The following MZT2A variants were observed in gnomAD, a reference collection of about 807,000 sequenced individuals.
The protein encoded by MZT2A is mitotic spindle organizing protein 2A.
Under a neutral mutation model 12.4 loss-of-function variants are expected in MZT2A, and 8 were observed. The observed-to-expected ratio is 0.64, with a 90% CI of 0.38 to 1.16. The LOEUF is 1.16. Among genes scored for constraint, MZT2A ranks in the 50% most tolerant of loss-of-function variants. The pLI is 0.01. For missense variants in MZT2A, 181 were observed against 223.6 expected, an observed-to-expected ratio of 0.81 and a Z score of 1.22; for synonymous variants, 88 against 107.5, an observed-to-expected ratio of 0.82 and a Z score of 1.12.
chr2:131,487,250 T>C (rs1383819844), intron 2 of MZT2A, among the ~76,000 whole-genome samples: 3 of 151,928 alleles, frequency 2.0e-5, no homozygotes, highest in East Asian at 1.9e-4. Flanking sequence ...GAGGCCAAGG[T>C]GGGAGGATCC....
At chr2:131,493,350 C>G (rs572842070), upstream of MZT2A, among the ~76,000 whole-genome samples, 508 of 152,318 alleles carry the variant, frequency 3.3e-3, 1 homozygote, top group Non-Finnish European at 5.7e-3. Flanking sequence ...CTTCCCGCGC[C>G]GCTCGTACAC....
upstream of MZT2A, chr2:131,493,076 G>A: frequency 5.3e-6 from 8 of 1,495,786 alleles, no homozygotes; most frequent in Non-Finnish European, 7.2e-6. Flanking sequence ...TGATGACGAC[G>A]TTTTGGCGCG....
intron 2 of MZT2A, chr2:131,490,829 G>T: frequency 9.0e-6 from 14 of 1,549,996 alleles, no homozygotes; most frequent in South Asian, 1.2e-5. Context: ...CGCAGGCTGC[G>T]GGCTGGAGGA....
At chr2:131,476,140 CA>C in intron 2 of MZT2A, 1 of 1,612,818 alleles carries the variant, frequency 6.2e-7, no homozygotes, top group Non-Finnish European at 8.5e-7. Context: ...GGGCGCTCAG[CA>C]GCTGTGGCAG....
chr2:131,487,100 G>C (rs1679080539), intron 2 of MZT2A, among the ~76,000 whole-genome samples: 1 of 152,164 alleles, frequency 6.6e-6, no homozygotes, highest in Non-Finnish European at 1.5e-5. Flanking sequence ...TGGGGTGTGA[G>C]GGCAGGGTGA....
downstream of MZT2A, chr2:131,482,667 T>C: frequency 6.2e-7 from 1 of 1,614,212 alleles, no homozygotes; most frequent in South Asian, 1.1e-5. Context: ...TGGGCCCGCC[T>C]GGACCATAAG....
chr2:131,470,093 C>T lies in MZT2A; in HGVS notation c.*110+113G>A, dbSNP rs138568781. On this transcript the variant is annotated intron_variant and NMD_transcript_variant, in intron 4 of 4. Transcript: ENST00000427024. The stretch of plus-strand genomic sequence containing the variant: ...TGCTGGGATTACAGGCGTGAGCCAC[C>T]GCATCTGGCTAAACAGCATCCTCTT... 1,631 of 423,326 alleles carry T rather than the reference C, an allele frequency of 3.9e-3. 18 individuals are homozygous for T. Among genetic ancestry groups the T allele is most frequent in the African/African-American group, 0.031 (1,472 of 46,732 alleles). The allele number at this position is 423,326 out of a possible 1,614,324, so 26.2% of individuals were successfully genotyped here.
downstream of MZT2A, among the ~76,000 whole-genome samples, chr2:131,479,783 T>C (rs147561788): frequency 5.8e-3 from 882 of 152,160 alleles, 6 homozygotes; most frequent in African/African-American, 0.02. Flanking sequence ...GAGGTTGCAA[T>C]GAGCTGAGAT....
chr2:131,486,869 T>G (rs116013437), intron 2 of MZT2A, among the ~76,000 whole-genome samples: 1,674 of 152,204 alleles, frequency 0.011, 32 homozygotes, highest in African/African-American at 0.038. Flanking sequence ...ATAACTGATA[T>G]TAAGAAAATC....
At chr2:131,479,475 A>G, downstream of MZT2A, 1 of 1,609,726 alleles carries the variant, frequency 6.2e-7, no homozygotes, top group Non-Finnish European at 8.5e-7. Context: ...AGAAGGTTTC[A>G]TGTGGCCATT....
At chr2:131,483,955 G>A (rs1678947687), downstream of MZT2A, 80 of 1,461,592 alleles carry the variant, frequency 5.5e-5, no homozygotes, top group Non-Finnish European at 7.2e-5. Context: ...ACAGTAGAGA[G>A]CATCTGACCT....
At chr2:131,480,410 A>G (rs6423208), downstream of MZT2A, 298,969 of 1,312,062 alleles carry the variant, frequency 0.23, 90,062 homozygotes, top group East Asian at 0.78. Context: ...CCTCCATCAC[A>G]GCCTCCCTGC....
intron 2 of MZT2A, chr2:131,491,359 G>A: frequency 3.6e-6 from 1 of 275,322 alleles, no homozygotes; most frequent in South Asian, 4.1e-5. Context: ...GGTAAAGGCA[G>A]GAAGACGTCT....
chr2:131,480,355 G>A (rs368000732), downstream of MZT2A: 18 of 1,610,082 alleles, frequency 1.1e-5, no homozygotes, highest in Non-Finnish European at 1.4e-5. Flanking sequence ...GACATTGAAC[G>A]TCCCACGTAC....
chr2:131,473,689 C>T (rs1678543814), intron 2 of MZT2A, among the ~76,000 whole-genome samples: 6 of 142,166 alleles, frequency 4.2e-5, no homozygotes, highest in Admixed American at 4.0e-4. Context: ...CACTTGAGCC[C>T]AGGAATTTGA....
downstream of MZT2A, chr2:131,482,877 C>G (rs768500922): frequency 1.9e-6 from 3 of 1,600,080 alleles, no homozygotes; most frequent in South Asian, 3.4e-5. Context: ...TCTCCCCTGC[C>G]ACCCCCGGGA....
intron 2 of MZT2A, among the ~76,000 whole-genome samples, chr2:131,487,189 G>A (rs1679084382): frequency 6.6e-6 from 1 of 152,186 alleles, no homozygotes; most frequent in South Asian, 2.1e-4. Flanking sequence ...GTTAAAAACA[G>A]CCTGGCTCAG....
chr2:131,486,152 T>G (rs1014661557), intron 2 of MZT2A, among the ~76,000 whole-genome samples: 4 of 150,616 alleles, frequency 2.7e-5, no homozygotes, highest in African/African-American at 5.0e-5. Flanking sequence ...ACGTGGTGGG[T>G]GATGATTGGC....
chr2:131,489,776 G>T, intron 2 of MZT2A: 1 of 796,288 alleles, frequency 1.3e-6, no homozygotes, highest in Non-Finnish European at 1.5e-6. Flanking sequence ...ACTTCCCGAA[G>T]TGCTGGGATT....
Sources: gnomAD v4.1 joint callset for allele counts (sites outside exome capture counted in the v4.1 genomes callset) on GRCh38, gnomAD v4.1.1 for gene constraint, MANE v1.5 for transcripts, NCBI Gene and HGNC (gene_info 2026-07-23, HGNC 2026-07-21) for gene names.